The following SDC3 variants were observed in gnomAD, a reference collection of about 807,000 sequenced individuals.
The protein encoded by SDC3 is syndecan 3.
SDC3 carries 13 observed loss-of-function variants against 24.4 expected under a neutral mutation model. The ratio of observed to expected loss-of-function variants is 0.53; its 90% CI spans 0.35 to 0.85. The LOEUF is 0.85. SDC3 is among the 40% of genes least tolerant of loss of function. The pLI is 0.01. For missense variants in SDC3, 571 were observed against 584.5 expected (o/e 0.98, Z 0.24); for synonymous variants, 295 against 260.9 (o/e 1.13, Z -1.26).
Position 30,874,462 on chromosome 1 carries a change from C to T in SDC3, c.997G>A (p.Val333Met), listed in dbSNP as rs757451812. The T allele has an allele frequency of 1.9e-6, 3 of 1,614,194 alleles. No individual in the cohort carries two copies. The highest frequency in any genetic ancestry group is 3.3e-5 in the Admixed American group (2 of 60,028). The change falls in exon 4 of 5, where the codon GTG (valine) becomes ATG (methionine). Residue 333 changes from valine to methionine, a missense_variant. Physicochemically the swap from Val to Met is conservative, Grantham distance 21. Transcript: ENST00000339394. ...GCCGCAGCCCCTCCCACAGCTACCA[C>T]CTCATTGGCTGTGTCTGGTTGTGTG... ...ETTQPDTANE[V>M]VAVGGAAAKA...
chr1:30,870,335 C>T lies in SDC3; in HGVS notation c.*2876G>A, dbSNP rs1639511901. 1 of 160,916 alleles carries T rather than the reference C, an allele frequency of 6.2e-6. No homozygotes were observed. Among genetic ancestry groups the T allele is most frequent in the South Asian group, 2.0e-4 (1 of 4,920 alleles). The allele number at this position is 160,916 out of a possible 1,614,324, so 10.0% of individuals were successfully genotyped here. On this transcript the variant is annotated 3_prime_UTR_variant, in exon 5 of 5. Transcript: ENST00000339394. Reference sequence around the variant, plus strand: ...CTGGGCTCTCCAGGTCCTGGCCTGCCTCGTGCTCTGGCAGCCAAGGCCCCA... The same window carrying T: ...CTGGGCTCTCCAGGTCCTGGCCTGCTTCGTGCTCTGGCAGCCAAGGCCCCA...
intron 1 of SDC3, among the ~76,000 whole-genome samples, chr1:30,897,541 A>G (rs1326973333): frequency 6.6e-6 from 1 of 152,218 alleles, no homozygotes; most frequent in African/African-American, 2.4e-5. Flanking sequence ...CCAGGAGCCC[A>G]AAGTCCCAAG....
At position 30,869,556 on chromosome 1, in the gene SDC3, A is replaced by AAAAAAAAAAAAAAAAAAAAAC. The variant is rs1639495693; in HGVS notation, c.*3654_*3655insGTTTTTTTTTTTTTTTTTTTT. On this transcript the variant is annotated 3_prime_UTR_variant, in exon 5 of 5. Transcript: ENST00000339394. ...ACAAACAAAAAAAAAAAAAAAAAAA[A>AAAAAAAAAAAAAAAAAAAAAC]AAAAACAAAAACAAAACCAGTTCCT... 2.9e-6 allele frequency: 1 copy of AAAAAAAAAAAAAAAAAAAAAC among 346,446 alleles called. No homozygotes were observed. The highest frequency in any genetic ancestry group is 2.5e-5 in the African/African-American group (1 of 40,148). The allele number at this position is 346,446 out of a possible 1,614,324, so 21.5% of individuals were successfully genotyped here. A position where few individuals can be genotyped will look rare whatever the true frequency, so the allele number is the denominator to read the frequency against.
At chr1:30,902,300 C>T (rs1344726521) in intron 1 of SDC3, among the ~76,000 whole-genome samples, 5 of 152,240 alleles carry the variant, frequency 3.3e-5, no homozygotes, top group African/African-American at 1.2e-4. Context: ...CAGGCTCCCC[C>T]TGTAATCACG....
chr1:30,870,846 G>C lies in SDC3; in HGVS notation c.*2365C>G, dbSNP rs1402662470. ...GGGTCCAGCATCTTCTGGGGCTGGGGGCCCAAGCCCTTTTCTCCTCTATCC... is the reference window on the plus strand; with the variant it reads ...GGGTCCAGCATCTTCTGGGGCTGGGCGCCCAAGCCCTTTTCTCCTCTATCC... On this transcript the variant is annotated 3_prime_UTR_variant, in exon 5 of 5. Transcript: ENST00000339394. 3 of 152,610 alleles carry C rather than the reference G, an allele frequency of 2.0e-5. No individual in the cohort carries two copies. Among genetic ancestry groups the C allele is most frequent in the African/African-American group, 7.2e-5 (3 of 41,468 alleles). The allele number at this position is 152,610 out of a possible 1,614,324, so 9.5% of individuals were successfully genotyped here. A position where few individuals can be genotyped will look rare whatever the true frequency, so the allele number is the denominator to read the frequency against.
chr1:30,877,304 G>T, intron 2 of SDC3, 139 bp from the exon 3 acceptor site: 1 of 1,159,172 alleles, frequency 8.6e-7, no homozygotes, highest in Non-Finnish European at 1.2e-6. Flanking sequence ...AAAGATGAGA[G>T]AAAGGAGGAA....
At chr1:30,877,480 C>T in intron 2 of SDC3, 1 of 564,190 alleles carries the variant, frequency 1.8e-6, no homozygotes, top group Non-Finnish European at 3.2e-6. Flanking sequence ...AACTGAGGCG[C>T]TACTGGCTGC....
rs11338317 is a variant in SDC3 at position 30,869,536 on chromosome 1, CAAAAAAAAA to C, written c.*3666_*3674del. 3.7e-5 allele frequency: 13 copies of C among 348,304 alleles called. No individual in the cohort carries two copies. Among genetic ancestry groups the C allele is most frequent in the African/African-American group, 1.3e-4 (5 of 38,442 alleles). The allele number at this position is 348,304 out of a possible 1,614,324, so 21.6% of individuals were successfully genotyped here. A position where few individuals can be genotyped will look rare whatever the true frequency, so the allele number is the denominator to read the frequency against. ...AGGAAGTGTTAAAAAAACAAACAAA[CAAAAAAAAA>C]AAAAAAAAAAAAAAAACAAAAACAA... On this transcript the variant is annotated 3_prime_UTR_variant, in exon 5 of 5. Transcript: ENST00000339394.
chr1:30,877,153 T>A lies in SDC3; in HGVS notation c.269A>T (p.Glu90Val). ...GCGCATGGCTGTCTCAATGCCCGAC[T>A]CCTGCTCGAAGTCTGAGGGGGTGGG... ...SGSGSGYFEQ[E>V]SGIETAMRFS... Residue 90 changes from glutamate to valine, a missense_variant, in exon 3 of 5, where the codon GAG (glutamate) becomes GTG (valine). Transcript: ENST00000339394. 6.2e-7 allele frequency: 1 copy of A among 1,613,780 alleles called. No individual in the cohort carries two copies. Among genetic ancestry groups the A allele is most frequent in the Non-Finnish European group, 8.5e-7 (1 of 1,179,982 alleles).
At chr1:30,898,893 C>T (rs915889564) in intron 1 of SDC3, among the ~76,000 whole-genome samples, 1 of 152,186 alleles carries the variant, frequency 6.6e-6, no homozygotes, top group Non-Finnish European at 1.5e-5. Context: ...GCAAATTCAC[C>T]TCTGAGACAC....
chr1:30,897,929 G>A (rs191214646), intron 1 of SDC3, among the ~76,000 whole-genome samples: 184 of 152,238 alleles, frequency 1.2e-3, no homozygotes, highest in Middle Eastern at 0.01. Context: ...TCCAAGCTCC[G>A]GCATCTCATG....
At chr1:30,878,129 A>G (rs1013271106) in intron 2 of SDC3, 3 of 153,360 alleles carry the variant, frequency 2.0e-5, no homozygotes, top group South Asian at 2.0e-4. Context: ...AGGGAGGGGG[A>G]GCACCGAGGG....
chr1:30,904,814 G>T (rs1230822794), intron 1 of SDC3, among the ~76,000 whole-genome samples: 1 of 152,062 alleles, frequency 6.6e-6, no homozygotes, highest in East Asian at 1.9e-4. Context: ...CCCCATCCAT[G>T]CTCCCTCCCA....
At chr1:30,890,400 C>T (rs1330932135) in intron 1 of SDC3, among the ~76,000 whole-genome samples, 1 of 152,188 alleles carries the variant, frequency 6.6e-6, no homozygotes, top group Non-Finnish European at 1.5e-5. Flanking sequence ...CAAAAGACCA[C>T]ATATTATATT....
rs984785066 is a variant in SDC3, at chr1:30,871,484, T to C, written c.*1727A>G. 6.6e-6 allele frequency: 1 copy of C among 152,258 alleles called. No individual in the cohort carries two copies. Among genetic ancestry groups the C allele is most frequent in the Non-Finnish European group, 1.5e-5 (1 of 68,068 alleles). 9.4% of individuals were successfully genotyped at this position (152,258 alleles called of 1,614,324 possible). Reference sequence around the variant, plus strand: ...TAACCCCTCCCCCACTATCACCTGGTCTCATCCCTCAAACCCTGACCTCGG... The same window carrying C: ...TAACCCCTCCCCCACTATCACCTGGCCTCATCCCTCAAACCCTGACCTCGG... On this transcript the variant is annotated 3_prime_UTR_variant, in exon 5 of 5. Transcript: ENST00000339394.
In SDC3 at chr1:30,903,530, G is replaced by A. The variant is rs76138961; in HGVS notation, c.138+4919C>T. On this transcript the variant is annotated intron_variant, in intron 1 of 4. Coordinates refer to ENST00000339394, the MANE Select transcript of SDC3 (RefSeq NM_014654.4). ...CCATACACCCCCAGTGGCCCTCAGA[G>A]TAGCTGCTTTTATGGGCTACAGAGC... Among the ~76,000 whole-genome samples the A allele has an allele frequency of 3.1e-3, 468 of 152,212 alleles. 6 individuals carry two copies. The East Asian group carries it at 0.035, about 11-fold the overall frequency.
chr1:30,908,448 C>A lies in SDC3; in HGVS notation c.138+1G>T. On this transcript the variant is annotated splice_donor_variant, in intron 1 of 4. Coordinates refer to ENST00000339394, the MANE Select transcript of SDC3 (RefSeq NM_014654.4). LOFTEE classifies it high-confidence loss of function. ...CGGGGATCCGGGCGCGTGTCACTCACCCCCGCGGCGCGCCCCGCCAGCAGC... is the reference window on the plus strand; with the variant it reads ...CGGGGATCCGGGCGCGTGTCACTCAACCCCGCGGCGCGCCCCGCCAGCAGC... 1 of 1,040,096 alleles carries A rather than the reference C, an allele frequency of 9.6e-7. No individual in the cohort carries two copies. 64.4% of individuals were successfully genotyped at this position (1,040,096 alleles called of 1,614,324 possible). A position where few individuals can be genotyped will look rare whatever the true frequency, so the allele number is the denominator to read the frequency against.
At chr1:30,885,729 G>T (rs1437631961) in intron 1 of SDC3, among the ~76,000 whole-genome samples, 1 of 152,222 alleles carries the variant, frequency 6.6e-6, no homozygotes, top group Admixed American at 6.5e-5. Context: ...GCATCAGCCT[G>T]TCTGGCGGCC....
At chr1:30,886,935 G>A (rs1312598117) in intron 1 of SDC3, among the ~76,000 whole-genome samples, 2 of 152,230 alleles carry the variant, frequency 1.3e-5, no homozygotes, top group Non-Finnish European at 2.9e-5. Context: ...ACAGCAATGG[G>A]CCAGGATTTG....
Sources: gnomAD v4.1 joint callset for allele counts (sites outside exome capture counted in the v4.1 genomes callset) on GRCh38, gnomAD v4.1.1 for gene constraint, MANE v1.5 for transcripts, NCBI Gene and HGNC (gene_info 2026-07-23, HGNC 2026-07-21) for gene names.